Variants in MAP4K5 observed in about 807,000 individuals in gnomAD.
MAP4K5 encodes the protein mitogen-activated protein kinase kinase kinase kinase 5.
Under a neutral mutation model 135.6 loss-of-function variants are expected in MAP4K5, and 82 were observed. The ratio of observed to expected loss-of-function variants is 0.60; its 90% CI spans 0.51 to 0.73. MAP4K5 has a LOEUF of 0.73. Ranked by LOEUF, MAP4K5 falls within the 30% of genes least tolerant of loss-of-function variation. The probability of loss-of-function intolerance (pLI) is 0.00; values close to 1 mark genes in which losing one functional copy is unlikely to be tolerated. For missense variants in MAP4K5, 907 were observed against 1,010.9 expected (o/e 0.90, Z 1.39); for synonymous variants, 347 against 335.0 (o/e 1.04, Z -0.39).
intron 2 of MAP4K5, among the ~76,000 whole-genome samples, chr14:50,525,556 G>A (rs749358351): frequency 1.1e-4 from 16 of 152,208 alleles, no homozygotes; most frequent in Non-Finnish European, 1.6e-4. Context: ...TCTCTAGTCC[G>A]GGCACAGTGT....
chr14:50,455,148 T>C (rs948797680), intron 14 of MAP4K5, among the ~76,000 whole-genome samples: 6 of 151,572 alleles, frequency 4.0e-5, no homozygotes, highest in African/African-American at 1.5e-4. Flanking sequence ...AACAAATGAG[T>C]AGTCATCTAG....
intron 28 of MAP4K5, among the ~76,000 whole-genome samples, chr14:50,432,040 T>C (rs921459966): frequency 5.3e-5 from 8 of 152,322 alleles, no homozygotes; most frequent in Non-Finnish European, 1.0e-4. Flanking sequence ...CGATAAACTG[T>C]CCCTCAGGTA....
chr14:50,448,789 TTC>T lies in MAP4K5; in HGVS notation c.1057_1058del (p.Glu353SerfsTer4). 1.3e-6 allele frequency: 2 copies of T among 1,566,702 alleles called. No individual in the cohort carries two copies. The highest frequency in any genetic ancestry group is 1.7e-6 in the Non-Finnish European group (2 of 1,150,918). Reference protein sequence around the residue: ...QFEPPLRKETEARDEMGLSSD... With the variant: ...QFEPPLRKETXARDEMGLSSD... ...GAATTCTTACCATTTCATCTCGTGC[TTC>T]TGTTTCTTTTCTCAGAGGAGGTTCA... On this transcript the variant is annotated frameshift_variant, in exon 15 of 33. Transcript: ENST00000682126. LOFTEE classifies it high-confidence loss of function.
In MAP4K5 at chr14:50,443,776, G is replaced by T. The variant is rs2036280457; in HGVS notation, c.1438-6C>A. 5.0e-6 allele frequency: 8 copies of T among 1,596,334 alleles called. No homozygotes were observed. The East Asian group carries it at 1.8e-4, about 36-fold the overall frequency. On this transcript the variant is annotated splice_polypyrimidine_tract_variant and splice_region_variant and intron_variant, in intron 19 of 32. Transcript: ENST00000682126. ...AGGCCATTGATGGCTGGTTTCTATG[G>T]GAAAAATAAAATTTACTAGTGTAAG...
At position 50,418,804 on chromosome 14, in the gene MAP4K5, C is replaced by T. The variant is rs752092576; in HGVS notation, c.*1215G>A. On this transcript the variant is annotated 3_prime_UTR_variant, in exon 33 of 33. Transcript: ENST00000682126. ...CCTTGTTCATCATCTCAATGCTGTT[C>T]TCAATAAATGCATTAAGACAACAGG... is the stretch of plus-strand genomic sequence containing the variant. 6.6e-6 allele frequency: 1 copy of T among 152,088 alleles called. No homozygotes were observed. The highest frequency in any genetic ancestry group is 1.5e-5 in the Non-Finnish European group (1 of 67,998). The allele number at this position is 152,088 out of a possible 1,614,324, so 9.4% of individuals were successfully genotyped here. A position where few individuals can be genotyped will look rare whatever the true frequency, so the allele number is the denominator to read the frequency against.
chr14:50,507,842 G>A (rs925138194), intron 2 of MAP4K5, among the ~76,000 whole-genome samples: 5 of 152,188 alleles, frequency 3.3e-5, no homozygotes, highest in African/African-American at 1.2e-4. Flanking sequence ...GGGGTGGAGA[G>A]TTCTGTAGAT....
At position 50,504,140 on chromosome 14, in the gene MAP4K5, C is replaced by T. The variant is rs376184837; in HGVS notation, c.166+660G>A. 3.7e-4 allele frequency among the ~76,000 whole-genome samples: 57 copies of T among 152,012 alleles called. 1 individual carries two copies. The East Asian group carries it at 6.9e-3, about 19-fold the overall frequency. ...GTTTGAAATGCAAAGTCATTTTAAC[C>T]GCTCAAACTAGGAAACTGGCATAAT... On this transcript the variant is annotated intron_variant, in intron 3 of 32. Coordinates refer to ENST00000682126, the MANE Select transcript of MAP4K5 (RefSeq NM_006575.6).
At chr14:50,515,518 T>C (rs1022840461) in intron 2 of MAP4K5, among the ~76,000 whole-genome samples, 6 of 152,166 alleles carry the variant, frequency 3.9e-5, no homozygotes, top group African/African-American at 1.4e-4. Flanking sequence ...CTTCCCTCTA[T>C]TGTACTAGCC....
intron 2 of MAP4K5, among the ~76,000 whole-genome samples, chr14:50,528,865 A>G (rs927132199): frequency 1.3e-5 from 2 of 152,352 alleles, no homozygotes. Flanking sequence ...ACAGTGATAA[A>G]TAGCAAAATT....
chr14:50,456,731 A>C lies in MAP4K5; in HGVS notation c.937-137T>G, dbSNP rs186592431. 1.5e-5 allele frequency: 9 copies of C among 614,632 alleles called. No homozygotes were observed. The African/African-American group carries it at 1.5e-4, about 10-fold the overall frequency. 38.1% of individuals were successfully genotyped at this position (614,632 alleles called of 1,614,324 possible). ...GGATAAACATAAAACAAATACAATG[A>C]ACGCTACAATACTTCGGAAGTTTTT... On this transcript the variant is annotated intron_variant, in intron 13 of 32. Coordinates refer to ENST00000682126, the MANE Select transcript of MAP4K5 (RefSeq NM_006575.6).
At chr14:50,463,150 G>A (rs1566657249) in intron 12 of MAP4K5, among the ~76,000 whole-genome samples, 2 of 152,100 alleles carry the variant, frequency 1.3e-5, no homozygotes, top group African/African-American at 4.8e-5. Flanking sequence ...AAAAAAGCAT[G>A]TATATCATAT....
intron 5 of MAP4K5, among the ~76,000 whole-genome samples, chr14:50,484,268 G>C (rs1318622582): frequency 6.6e-6 from 1 of 152,110 alleles, no homozygotes; most frequent in African/African-American, 2.4e-5. Context: ...AAACATTTTT[G>C]TTAATAAAGA....
intron 14 of MAP4K5, among the ~76,000 whole-genome samples, chr14:50,452,470 TG>T (rs1225669858): frequency 2.6e-5 from 4 of 152,208 alleles, no homozygotes; most frequent in Non-Finnish European, 4.4e-5. Flanking sequence ...CCTATACATC[TG>T]GGAATACTGC....
At chr14:50,440,531 G>T in intron 21 of MAP4K5, 90 bp from the exon 22 acceptor site, 2 of 622,312 alleles carry the variant, frequency 3.2e-6, no homozygotes, top group South Asian at 4.8e-5. Context: ...ATGGCATCAA[G>T]AATTAGCCAC....
chr14:50,507,260 CAA>C (rs939316611), intron 2 of MAP4K5, among the ~76,000 whole-genome samples: 7 of 152,182 alleles, frequency 4.6e-5, no homozygotes, highest in Non-Finnish European at 8.8e-5. Flanking sequence ...AGGGGTGAGT[CAA>C]GAGTTAGAAT....
At chr14:50,537,115 G>A (rs116866611), upstream of MAP4K5, among the ~76,000 whole-genome samples, 2,255 of 152,304 alleles carry the variant, frequency 0.015, 19 homozygotes, top group South Asian at 0.028. Flanking sequence ...AAGTGGTTTC[G>A]TTGGCTAGGC....
chr14:50,532,331 C>A, intron 1 of MAP4K5, 117 bp downstream of exon 1: 1 of 351,060 alleles, frequency 2.8e-6, no homozygotes, highest in South Asian at 5.3e-5. Flanking sequence ...GCCCTTCCCC[C>A]TCCCCGGCCG....
Position 50,425,977 on chromosome 14 carries a change from A to C in MAP4K5, c.2327T>G (p.Val776Gly). The change falls in exon 31 of 33, where the codon GTA becomes GGA. Residue 776 changes from valine (V) to glycine (G), a missense_variant and splice_region_variant. Around this residue, in one of 3 missense-constraint regions of MAP4K5, gnomAD observed 690 missense variants for 777.4 expected, o/e 0.89. Coordinates refer to ENST00000682126, the MANE Select transcript of MAP4K5 (RefSeq NM_006575.6). ...LSFDFRIESV[V>G]CLQDSVLAFW... ...AGCCAACACACTGTCTTGAAGGCATACTAAAAATGATAAGGGAGAAGTGAA... is the reference window on the plus strand; with the variant it reads ...AGCCAACACACTGTCTTGAAGGCATCCTAAAAATGATAAGGGAGAAGTGAA... 6.3e-7 allele frequency: 1 copy of C among 1,598,714 alleles called. No homozygotes were observed. The highest frequency in any genetic ancestry group is 8.6e-7 in the Non-Finnish European group (1 of 1,167,152).
In MAP4K5 at chr14:50,446,130, A is replaced by G; in HGVS notation, c.1143-9T>C. 6.4e-7 allele frequency: 1 copy of G among 1,556,080 alleles called. No homozygotes were observed. On this transcript the variant is annotated splice_polypyrimidine_tract_variant and intron_variant, in intron 16 of 32. Transcript: ENST00000682126. ...CACGTTTTGAGGTTGATCTAATACA[A>G]AGAAGAAATGCAATTTAGATGATGA...
Sources: gnomAD v4.1 joint callset for allele counts (sites outside exome capture counted in the v4.1 genomes callset) on GRCh38, gnomAD v4.1.1 for gene constraint, gnomAD v4.1.1 regional missense constraint, MANE v1.5 for transcripts, NCBI Gene and HGNC (gene_info 2026-07-23, HGNC 2026-07-21) for gene names.